DNAJB1: variants seen among roughly 807,000 people sequenced by gnomAD.
DNAJB1 encodes DnaJ heat shock protein family (Hsp40) member B1.
DNAJB1 carries 14 observed loss-of-function variants against 24.0 expected under a neutral mutation model. The ratio of observed to expected loss-of-function variants is 0.58; its 90% CI spans 0.39 to 0.91. DNAJB1 has a LOEUF of 0.91. DNAJB1 is among the 40% of genes least tolerant of loss of function. The probability of loss-of-function intolerance (pLI) is 0.00; values close to 1 mark genes in which losing one functional copy is unlikely to be tolerated. For synonymous variants in DNAJB1, 262 were observed against 174.4 expected (o/e 1.50, Z -3.96); for missense variants, 517 against 458.1 (o/e 1.13, Z -1.17).
intron 1 of DNAJB1, among the ~76,000 whole-genome samples, chr19:14,540,681 C>T (rs900080295): frequency 6.6e-6 from 1 of 150,810 alleles, no homozygotes; most frequent in Admixed American, 6.6e-5. Context: ...CATGAGCCAC[C>T]GTGCCTGGCC....
chr19:14,557,711 C>T (rs2073779613), intron 1 of DNAJB1, among the ~76,000 whole-genome samples: 1 of 151,450 alleles, frequency 6.6e-6, no homozygotes. Flanking sequence ...CTTGGCCTCC[C>T]AAAGTGCTAG....
At position 14,516,502 on chromosome 19, in the gene DNAJB1, A is replaced by G. The variant is rs769475485; in HGVS notation, c.756T>C (p.Ser252=). 3 of 1,614,064 alleles carry G rather than the reference A, an allele frequency of 1.9e-6. No individual in the cohort carries two copies. The Admixed American group carries it at 5.0e-5, about 27-fold the overall frequency. ...TGATCCTGGCAGGATAAATGACATC[A>G]GAGCCATCTCTCTTAAAGATATTGT... ...KPHNIFKRDG[S]DVIYPARISL... The change falls in exon 2 of 3, where the codon TCT becomes TCC. Residue 252 remains serine, a synonymous_variant. Transcript: ENST00000254322.
upstream of DNAJB1, chr19:14,532,090 G>A (rs2072693088): frequency 6.6e-6 from 1 of 151,584 alleles, no homozygotes; most frequent in Non-Finnish European, 1.5e-5. Context: ...TTTTGCAAAT[G>A]TAGTTGGTTT....
upstream of DNAJB1, chr19:14,529,597 T>C: frequency 6.3e-7 from 1 of 1,580,764 alleles, no homozygotes; most frequent in Non-Finnish European, 8.7e-7. Context: ...GAGCCGCGTT[T>C]AGTCTATCGC....
intron 1 of DNAJB1, among the ~76,000 whole-genome samples, chr19:14,549,954 TAAAAA>T (rs201560790): frequency 6.6e-6 from 1 of 150,544 alleles, no homozygotes; most frequent in South Asian, 2.2e-4. Flanking sequence ...AAAAAAAAAA[TAAAAA>T]AAATAAACTA....
In DNAJB1 at chr19:14,516,611, G is replaced by A; in HGVS notation, c.647C>T (p.Thr216Ile). 1 of 1,614,148 alleles carries A rather than the reference G, an allele frequency of 6.2e-7. No individual in the cohort carries two copies. Among genetic ancestry groups the A allele is most frequent in the Non-Finnish European group, 8.5e-7 (1 of 1,180,032 alleles). ...TCCTTCCTTGGGGAAAGTGATTTTGGTTCCTTCTTTCCACCCCTTCTTCAC... is the reference window on the plus strand; with the variant it reads ...TCCTTCCTTGGGGAAAGTGATTTTGATTCCTTCTTTCCACCCCTTCTTCAC... ...IEVKKGWKEG[T>I]KITFPKEGDQ... Residue 216 changes from threonine to isoleucine, a missense_variant, in exon 2 of 3, where the codon ACC becomes ATC. Physicochemically the swap from Thr to Ile is moderately conservative, Grantham distance 89. Coordinates refer to ENST00000254322, the MANE Select transcript of DNAJB1 (RefSeq NM_006145.3).
At chr19:14,527,198 T>TTTTTTTG (rs2072443388) in intron 2 of DNAJB1, among the ~76,000 whole-genome samples, 3 of 96,574 alleles carry the variant, frequency 3.1e-5, no homozygotes, top group Non-Finnish European at 4.1e-5. Flanking sequence ...TTTTTTTTTT[T>TTTTTTTG]GAGACGGAGT....
At chr19:14,544,991 C>A in intron 1 of DNAJB1, 5 of 412,906 alleles carry the variant, frequency 1.2e-5, no homozygotes, top group Admixed American at 2.8e-5. Context: ...GTCCTTTTCA[C>A]TCCTTCCCTT....
intron 1 of DNAJB1, among the ~76,000 whole-genome samples, chr19:14,539,880 C>G (rs1036687985): frequency 1.4e-5 from 2 of 142,320 alleles, no homozygotes; most frequent in Non-Finnish European, 3.0e-5. Context: ...TGTTTTCTTT[C>G]TTTTTTTTTT....
intron 2 of DNAJB1, among the ~76,000 whole-genome samples, chr19:14,527,198 T>TTTTTTA (rs2072443388): frequency 1.0e-5 from 1 of 96,574 alleles, no homozygotes; most frequent in African/African-American, 4.4e-5. Context: ...TTTTTTTTTT[T>TTTTTTA]GAGACGGAGT....
chr19:14,517,965 C>G (rs1379784808), intron 1 of DNAJB1, 174 bp downstream of exon 1: 1 of 612,736 alleles, frequency 1.6e-6, no homozygotes, highest in African/African-American at 2.0e-5. Flanking sequence ...AAGGCTCCTC[C>G]TCCCACCGCG....
intron 1 of DNAJB1, chr19:14,517,823 C>T: frequency 3.7e-6 from 1 of 269,580 alleles, no homozygotes; most frequent in East Asian, 6.2e-5. Context: ...TCCGCCGCGC[C>T]GTCCCCGTCG....
intron 1 of DNAJB1, among the ~76,000 whole-genome samples, chr19:14,548,566 T>C (rs979126049): frequency 2.0e-5 from 3 of 152,126 alleles, no homozygotes; most frequent in African/African-American, 7.2e-5. Flanking sequence ...GCAGCACTGC[T>C]CATCTCTGTC....
At chr19:14,529,533 G>A (rs1277399842), upstream of DNAJB1, 1 of 972,186 alleles carries the variant, frequency 1.0e-6, no homozygotes, top group South Asian at 1.3e-5. Context: ...TGGGCGCCTC[G>A]TGCCCTGATT....
rs188486636 is a variant in DNAJB1, at chr19:14,541,166, C to T, written c.-214+9042G>A. 3.3e-4 allele frequency among the ~76,000 whole-genome samples: 50 copies of T among 152,132 alleles called. No individual in the cohort carries two copies. The East Asian group carries it at 7.5e-3, about 23-fold the overall frequency. ...TTTAAAGGATTTTTCTTGGTAGAGA[C>T]GCAGTCTCACCGTGTTGCCCAGGCT... is the stretch of plus-strand genomic sequence containing the variant. On this transcript the variant is annotated intron_variant, in intron 1 of 3. Coordinates refer to the DNAJB1 transcript ENST00000676982.
intron 1 of DNAJB1, among the ~76,000 whole-genome samples, chr19:14,537,215 G>T (rs1303223448): frequency 7.5e-6 from 1 of 132,562 alleles, no homozygotes; most frequent in African/African-American, 2.9e-5. Context: ...GGGCTCAGGA[G>T]GAGGAGGCGG....
intron 1 of DNAJB1, among the ~76,000 whole-genome samples, chr19:14,555,372 C>T (rs1006401803): frequency 2.0e-5 from 3 of 151,512 alleles, no homozygotes; most frequent in African/African-American, 7.3e-5. Context: ...CCTCAGCCTC[C>T]TGAGTAGCTG....
intron 1 of DNAJB1, among the ~76,000 whole-genome samples, chr19:14,539,114 C>T (rs918169588): frequency 8.1e-5 from 12 of 149,016 alleles, no homozygotes; most frequent in Non-Finnish European, 1.5e-4. Flanking sequence ...GCTGGGACTA[C>T]AGGCGCCCAC....
chr19:14,529,688 G>A (rs1223296703), upstream of DNAJB1: 3 of 1,613,964 alleles, frequency 1.9e-6, no homozygotes, highest in East Asian at 2.2e-5. Flanking sequence ...GCCGCCGTGG[G>A]AGGGAGCCAT....
Sources: gnomAD v4.1 joint callset for allele counts (sites outside exome capture counted in the v4.1 genomes callset) on GRCh38, gnomAD v4.1.1 for gene constraint, MANE v1.5 for transcripts, NCBI Gene and HGNC (gene_info 2026-07-23, HGNC 2026-07-21) for gene names.